Variants in OPHN1 observed in about 807,000 individuals in gnomAD.
OPHN1 encodes oligophrenin 1.
Under a neutral mutation model 60.7 loss-of-function variants are expected in OPHN1, and 11 were observed. The ratio of observed to expected loss-of-function variants is 0.18; its 90% confidence interval spans 0.11 to 0.30. The LOEUF is 0.30. Among genes scored for constraint, OPHN1 ranks in the 10% least tolerant of loss-of-function variants. The probability of loss-of-function intolerance (pLI) is 1.00; values close to 1 mark genes in which losing one functional copy is unlikely to be tolerated. For missense variants in OPHN1, 449 were observed against 611.0 expected, an observed-to-expected ratio of 0.73 and a Z score of 2.80; for synonymous variants, 226 against 222.6, an observed-to-expected ratio of 1.02 and a Z score of -0.14.
intron 7 of OPHN1, 32 bp from the exon 8 acceptor site, chrX:68,212,244 CCAG>C (rs1569244497): frequency 1.0e-6 from 1 of 953,648 alleles, no homozygotes; most frequent in Admixed American, 2.4e-5. Context: ...AACTTTATCA[CCAG>C]CATCTTCTAA....
chrX:68,077,367 A>G (rs2076957382), intron 19 of OPHN1, among the ~76,000 whole-genome samples: 1 of 111,141 alleles, frequency 9.0e-6, no homozygotes, highest in Non-Finnish European at 1.9e-5. Flanking sequence ...CCTGACACAT[A>G]CACACACTGA....
chrX:68,132,396 G>T (rs992953570), intron 15 of OPHN1, among the ~76,000 whole-genome samples: 5 of 107,832 alleles, frequency 4.6e-5, no homozygotes, highest in Non-Finnish European at 9.6e-5. Context: ...CATGTCCTTT[G>T]CAGGGACATG....
At chrX:68,211,988 A>G in intron 8 of OPHN1, 120 bp downstream of exon 8, 2 of 528,948 alleles carry the variant, frequency 3.8e-6, no homozygotes, top group Admixed American at 5.3e-5. Context: ...GATCCACACC[A>G]GTATATTCTA....
intron 2 of OPHN1, among the ~76,000 whole-genome samples, chrX:68,338,076 G>C (rs904841132): frequency 9.0e-6 from 1 of 110,901 alleles, no homozygotes; most frequent in Non-Finnish European, 1.9e-5. Flanking sequence ...GGCTGGTCTT[G>C]AACTCCTGAG....
intron 23 of OPHN1, among the ~76,000 whole-genome samples, chrX:68,051,824 G>A (rs2076852922): frequency 8.9e-6 from 1 of 112,182 alleles, no homozygotes; most frequent in Admixed American, 9.4e-5. Flanking sequence ...AGGGAAAGAT[G>A]AGCAGAGAGA....
intron 15 of OPHN1, among the ~76,000 whole-genome samples, chrX:68,145,024 G>C (rs1371464245): frequency 9.0e-6 from 1 of 111,306 alleles, no homozygotes; most frequent in African/African-American, 3.3e-5. Flanking sequence ...ACAGTACTGA[G>C]GAAAGTCTTC....
At chrX:68,317,380 G>GAGAGA (rs2078207613) in intron 2 of OPHN1, among the ~76,000 whole-genome samples, 4 of 26,117 alleles carry the variant, frequency 1.5e-4, no homozygotes, top group Non-Finnish European at 2.7e-4. Flanking sequence ...AGAAAGAAAG[G>GAGAGA]AAGGAAGGAA....
At chrX:68,257,098 C>T (rs2077867999) in intron 5 of OPHN1, among the ~76,000 whole-genome samples, 1 of 109,998 alleles carries the variant, frequency 9.1e-6, no homozygotes. Context: ...TAATAGACTA[C>T]AGTACGGTGT....
In OPHN1 at chrX:68,205,229, C is replaced by T. The variant is rs375470118; in HGVS notation, c.933+1344G>A. ...TTGGGAGGCCAAGGCGGGAGGATCA[C>T]CTGAGGTCGGGAATTCGAGATCAGC... On this transcript the variant is annotated intron_variant, in intron 10 of 24. Transcript: ENST00000355520. 4.2e-3 allele frequency among the ~76,000 whole-genome samples: 471 copies of T among 111,031 alleles called. 5 individuals carry two copies. The highest frequency in any genetic ancestry group is 0.015 in the African/African-American group (452 of 30,563).
intron 2 of OPHN1, among the ~76,000 whole-genome samples, chrX:68,376,334 T>G (rs2078556698): frequency 9.0e-6 from 1 of 111,595 alleles, no homozygotes; most frequent in Admixed American, 9.7e-5. Context: ...AAGCTGAGGA[T>G]GTGAACTTAA....
intron 9 of OPHN1, among the ~76,000 whole-genome samples, chrX:68,207,657 T>C (rs1450762790): frequency 1.8e-5 from 2 of 110,476 alleles, no homozygotes. Context: ...TTTCCCACTA[T>C]CTCCACACTC....
intron 15 of OPHN1, among the ~76,000 whole-genome samples, chrX:68,162,899 TTAAA>T (rs2077340969): frequency 9.0e-6 from 1 of 110,996 alleles, no homozygotes; most frequent in African/African-American, 3.3e-5. Flanking sequence ...TCTTTTATTA[TTAAA>T]TAATAAAACA....
At chrX:68,240,949 A>G (rs1468548720) in intron 5 of OPHN1, among the ~76,000 whole-genome samples, 1 of 112,263 alleles carries the variant, frequency 8.9e-6, no homozygotes, top group African/African-American at 3.2e-5. Context: ...ATTTCATCAT[A>G]AAATATATTT....
intron 2 of OPHN1, among the ~76,000 whole-genome samples, chrX:68,361,371 T>G (rs2078471819): frequency 9.3e-6 from 1 of 108,089 alleles, no homozygotes; most frequent in Admixed American, 1.0e-4. Flanking sequence ...TCCCAGCTAC[T>G]CGGGAGGCTG....
At chrX:68,217,268 G>A (rs1355586033) in intron 6 of OPHN1, among the ~76,000 whole-genome samples, 4 of 112,220 alleles carry the variant, frequency 3.6e-5, no homozygotes, top group African/African-American at 9.7e-5. Flanking sequence ...CACCTGGCTC[G>A]GAGGATCCTA....
chrX:68,043,546 G>T lies in OPHN1; in HGVS notation c.*3626C>A, dbSNP rs56015206. On this transcript the variant is annotated 3_prime_UTR_variant, in exon 25 of 25. Transcript: ENST00000355520. ...CAAAAGCAATTTTTTCCTAGTCACAGAACTATTTCTTCTTTTACTACTTTA... is the reference window on the plus strand; with the variant it reads ...CAAAAGCAATTTTTTCCTAGTCACATAACTATTTCTTCTTTTACTACTTTA... 1 of 110,671 alleles carries T rather than the reference G, an allele frequency of 9.0e-6. No homozygotes were observed. Among genetic ancestry groups the T allele is most frequent in the East Asian group, 2.8e-4 (1 of 3,541 alleles). 9.1% of individuals were successfully genotyped at this position (110,671 alleles called of 1,213,427 possible).
At chrX:68,111,540 G>A (rs760654377) in intron 18 of OPHN1, among the ~76,000 whole-genome samples, 1 of 112,293 alleles carries the variant, frequency 8.9e-6, no homozygotes, top group Non-Finnish European at 1.9e-5. Context: ...GACTCAGAGA[G>A]GTTTGCCTGA....
At chrX:68,128,520 A>G (rs2077181212) in intron 15 of OPHN1, among the ~76,000 whole-genome samples, 1 of 101,658 alleles carries the variant, frequency 9.8e-6, no homozygotes, top group Non-Finnish European at 2.1e-5. Flanking sequence ...GAGAGAGGAG[A>G]GTGATTTATT....
intron 2 of OPHN1, among the ~76,000 whole-genome samples, chrX:68,371,233 TC>T (rs1337365372): frequency 8.3e-5 from 9 of 108,448 alleles, no homozygotes; most frequent in Non-Finnish European, 1.5e-4. Context: ...TTTTTTTTTT[TC>T]CAAAAAAAGG....
Sources: allele counts gnomAD v4.1 joint callset (sites outside exome capture counted in the v4.1 genomes callset), GRCh38; gene constraint gnomAD v4.1.1; transcripts MANE v1.5; gene names NCBI Gene and HGNC (gene_info 2026-07-23, HGNC 2026-07-21).